The following SLC15A4 variants were observed in gnomAD, a reference collection of about 807,000 sequenced individuals.
SLC15A4 encodes the protein solute carrier family 15 member 4.
A neutral mutation model predicts 46.1 loss-of-function variants in SLC15A4; 26 were observed. That is an observed-to-expected ratio of 0.56 (90% CI 0.41 to 0.78). The LOEUF (loss-of-function observed/expected upper bound fraction) is 0.78. Ranked by LOEUF, SLC15A4 falls within the 30% of genes least tolerant of loss-of-function variation. The pLI, the probability that SLC15A4 is intolerant of heterozygous loss-of-function variation, is 0.00. For missense variants in SLC15A4, 751 were observed against 755.7 expected, an observed-to-expected ratio of 0.99 and a Z score of 0.07; for synonymous variants, 370 against 333.4, an observed-to-expected ratio of 1.11 and a Z score of -1.20.
chr12:128,810,036 T>C lies in SLC15A4; in HGVS notation c.918A>G (p.Pro306=). ...FDSCKMSHGG[P]FTEEKVEDVK... is the part of the protein sequence containing the mutation. ...CATCTTCCACTTTCTCTTCTGTAAA[T>C]GGCCCACCATGAGACATCTTACATG... The change falls in exon 3 of 8, where the codon CCA becomes CCG. Residue 306 remains proline (P), a synonymous_variant. Transcript: ENST00000266771. 1 of 1,614,198 alleles carries C rather than the reference T, an allele frequency of 6.2e-7. No homozygotes were observed.
Position 128,793,856 on chromosome 12 carries a change from A to G in SLC15A4, c.*340T>C, listed in dbSNP as rs1042068345. On this transcript the variant is annotated 3_prime_UTR_variant, in exon 8 of 8. Coordinates refer to ENST00000266771, the MANE Select transcript of SLC15A4 (RefSeq NM_145648.4). The stretch of plus-strand genomic sequence containing the variant: ...ATTTGTTTAAGAAACTGGGATGCCA[A>G]CTAACACGTGGAGTTCCCCAAGACT... 1 of 194,114 alleles carries G rather than the reference A, an allele frequency of 5.2e-6. No individual in the cohort carries two copies. Among genetic ancestry groups the G allele is most frequent in the African/African-American group, 2.3e-5 (1 of 43,064 alleles). 12.0% of individuals were successfully genotyped at this position (194,114 alleles called of 1,614,324 possible).
chr12:128,807,817 AAT>A (rs1289418471), intron 5 of SLC15A4, among the ~76,000 whole-genome samples: 2 of 152,276 alleles, frequency 1.3e-5, no homozygotes, highest in Non-Finnish European at 2.9e-5. Flanking sequence ...AAGAAAATGC[AAT>A]AGTCTTCTAA....
chr12:128,801,971 A>G (rs767087882), intron 5 of SLC15A4, among the ~76,000 whole-genome samples: 1 of 152,186 alleles, frequency 6.6e-6, no homozygotes, highest in Non-Finnish European at 1.5e-5. Context: ...AAACTCTGGA[A>G]TTTCCACCTC....
In SLC15A4 at chr12:128,823,468, G is replaced by T; in HGVS notation, c.476C>A (p.Ala159Glu). 6.7e-7 allele frequency: 1 copy of T among 1,482,520 alleles called. No individual in the cohort carries two copies. The highest frequency in any genetic ancestry group is 8.9e-7 in the Non-Finnish European group (1 of 1,123,624). The allele number at this position is 1,482,520 out of a possible 1,614,324, so 91.8% of individuals were successfully genotyped here. Residue 159 changes from alanine (A) to glutamate (E), a missense_variant, in exon 1 of 8, where the codon GCG (alanine) becomes GAG (glutamate). Ala to Glu is a moderately radical substitution (Grantham distance 107, BLOSUM62 -1). Transcript: ENST00000266771. The part of the protein sequence containing the change: ...AARCCSPATF[A>E]GLVLVGLGVA... ...GCCCAGGCCCACCAGCACCAGCCCCGCGAAGGTGGCCGGTGAGCAGCAGCG... is the reference window on the plus strand; with the variant it reads ...GCCCAGGCCCACCAGCACCAGCCCCTCGAAGGTGGCCGGTGAGCAGCAGCG...
At position 128,796,415 on chromosome 12, in the gene SLC15A4, G is replaced by A. The variant is rs961015979; in HGVS notation, c.1574-2059C>T. Among the ~76,000 whole-genome samples the A allele has an allele frequency of 1.4e-4, 16 of 111,190 alleles. No individual in the cohort carries two copies. In the East Asian group the frequency reaches 3.8e-3, roughly 27 times the overall value. 72.9% of individuals were successfully genotyped at this position (111,190 alleles called of 152,430 possible). ...CTGCACTCCAGCCCGGGCAACAAAC[G>A]TGAAACTCCATCTCAAAAAAAAAAA... On this transcript the variant is annotated intron_variant, in intron 7 of 7. Transcript: ENST00000266771.
At chr12:128,822,360 C>T (rs75663927) in intron 1 of SLC15A4, among the ~76,000 whole-genome samples, 1,577 of 152,250 alleles carry the variant, frequency 0.01, 31 homozygotes, top group African/African-American at 0.036. Context: ...GAGTGTTTTC[C>T]CACTTCTTTG....
intron 5 of SLC15A4, among the ~76,000 whole-genome samples, chr12:128,803,959 C>T (rs937815436): frequency 6.6e-5 from 10 of 152,214 alleles, no homozygotes; most frequent in African/African-American, 2.4e-4. Context: ...TTCCCATTCA[C>T]CACAGACCCA....
chr12:128,795,998 T>C (rs1955438272), intron 7 of SLC15A4, among the ~76,000 whole-genome samples: 1 of 152,240 alleles, frequency 6.6e-6, no homozygotes. Context: ...CACTTTCTCA[T>C]TTGTTTATTT....
At chr12:128,816,658 C>T (rs1286625082) in intron 1 of SLC15A4, among the ~76,000 whole-genome samples, 1 of 152,064 alleles carries the variant, frequency 6.6e-6, no homozygotes, top group African/African-American at 2.4e-5. Context: ...AGACAGACCC[C>T]CATCTCTACA....
intron 2 of SLC15A4, 120 bp downstream of exon 2, chr12:128,814,655 T>G: frequency 1.4e-5 from 14 of 1,033,818 alleles, no homozygotes; most frequent in Non-Finnish European, 1.8e-5. Flanking sequence ...AGAGAAGACA[T>G]GTAAACCACT....
chr12:128,808,961 G>A lies in SLC15A4; in HGVS notation c.1090-5C>T, dbSNP rs374379004. The A allele has an allele frequency of 1.2e-5, 19 of 1,611,686 alleles. No homozygotes were observed. Among genetic ancestry groups the A allele is most frequent in the Non-Finnish European group, 1.6e-5 (19 of 1,178,532 alleles). The stretch of plus-strand genomic sequence containing the variant: ...GGTCAGCCAGGCTGCAGGGAGCTGG[G>A]GTGAAACACAGGAGGAGGCGTTTAC... On this transcript the variant is annotated splice_region_variant and splice_polypyrimidine_tract_variant and intron_variant, in intron 4 of 7. Transcript: ENST00000266771.
Position 128,823,823 on chromosome 12 carries a change from G to C in SLC15A4, c.121C>G (p.Leu41Val). 7.3e-7 allele frequency: 1 copy of C among 1,377,330 alleles called. No individual in the cohort carries two copies. The allele number at this position is 1,377,330 out of a possible 1,614,324, so 85.3% of individuals were successfully genotyped here. Residue 41 changes from leucine to valine, a missense_variant, in exon 1 of 8, where the codon CTG becomes GTG. By Grantham distance (32) the Leu-to-Val change is conservative. Coordinates refer to ENST00000266771, the MANE Select transcript of SLC15A4 (RefSeq NM_145648.4). ...GCGCGCTCCAGCAGCTCCGTCAGCA[G>C]CACGGCCCCGCACGCCGCGCGCCGG... ...AGRRAACGAV[L>V]LTELLERAAF...
At chr12:128,794,400 C>T in intron 7 of SLC15A4, 44 bp from the exon 8 acceptor site, 2 of 1,561,668 alleles carry the variant, frequency 1.3e-6, no homozygotes, top group African/African-American at 1.4e-5. Flanking sequence ...TGCGCTGCTA[C>T]AGGTATTTTT....
chr12:128,802,291 G>GGC (rs918568863), intron 5 of SLC15A4, among the ~76,000 whole-genome samples: 1 of 152,126 alleles, frequency 6.6e-6, no homozygotes, highest in African/African-American at 2.4e-5. Flanking sequence ...CTCCCGACAG[G>GGC]GCAGCTGACA....
Position 128,794,461 on chromosome 12 carries a change from T to TA in SLC15A4, c.1574-106dup, listed in dbSNP as rs1287272920. The TA allele has an allele frequency of 4.5e-6, 5 of 1,108,754 alleles. No homozygotes were observed. The East Asian group carries it at 1.0e-4, about 23-fold the overall frequency. The allele number at this position is 1,108,754 out of a possible 1,614,324, so 68.7% of individuals were successfully genotyped here. On this transcript the variant is annotated intron_variant, in intron 7 of 7. Transcript: ENST00000266771. ...TCCCACTAAGGTTTAACTGGAGTCA[T>TA]AAAAAAAGTAACAAATGTTGTCTCT...
At chr12:128,799,221 C>A (rs1392596307) in intron 7 of SLC15A4, 38 bp downstream of exon 7, 1 of 1,609,528 alleles carries the variant, frequency 6.2e-7, no homozygotes, top group South Asian at 1.1e-5. Flanking sequence ...CTCCCCCTCA[C>A]TGGCTATTTT....
At chr12:128,808,187 T>C (rs1387036748) in intron 5 of SLC15A4, among the ~76,000 whole-genome samples, 2 of 152,204 alleles carry the variant, frequency 1.3e-5, no homozygotes, top group Admixed American at 6.5e-5. Context: ...CACATAAAAA[T>C]TATGAAAACA....
chr12:128,802,698 T>A (rs984970659), intron 5 of SLC15A4, among the ~76,000 whole-genome samples: 2 of 152,198 alleles, frequency 1.3e-5, no homozygotes, highest in Admixed American at 1.3e-4. Context: ...AGAACTTGTC[T>A]TATTATTCAA....
chr12:128,814,599 A>G, intron 2 of SLC15A4, 176 bp downstream of exon 2: 1 of 643,512 alleles, frequency 1.6e-6, no homozygotes, highest in South Asian at 2.1e-5. Context: ...TTAAGATGGG[A>G]TAATAAGACC....
Sources: allele counts gnomAD v4.1 joint callset (sites outside exome capture counted in the v4.1 genomes callset), GRCh38; gene constraint gnomAD v4.1.1; transcripts MANE v1.5; gene names NCBI Gene and HGNC (gene_info 2026-07-23, HGNC 2026-07-21).